BICDL1: variants seen among roughly 807,000 people sequenced by gnomAD.
The protein encoded by BICDL1 is BICD family-like cargo adapter 1.
BICDL1 carries 20 observed loss-of-function variants against 76.8 expected under a neutral mutation model. The observed-to-expected ratio is 0.26, with a 90% CI of 0.18 to 0.38. The LOEUF is 0.38. BICDL1 is among the 10% of genes least tolerant of loss of function. The pLI is 1.00. For synonymous variants in BICDL1, 383 were observed against 337.1 expected (o/e 1.14, Z -1.49); for missense variants, 700 against 798.6 (o/e 0.88, Z 1.49).
At chr12:119,996,103 C>T (rs1256783774) in intron 1 of BICDL1, among the ~76,000 whole-genome samples, 1 of 152,140 alleles carries the variant, frequency 6.6e-6, no homozygotes, top group Non-Finnish European at 1.5e-5. Flanking sequence ...CCACATTGCC[C>T]CAAACAGACT....
At chr12:120,063,412 C>T (rs776040202) in intron 3 of BICDL1, among the ~76,000 whole-genome samples, 3 of 152,110 alleles carry the variant, frequency 2.0e-5, no homozygotes, top group African/African-American at 7.2e-5. Context: ...TTTGTTTCCC[C>T]AGGACAACAT....
intron 8 of BICDL1, among the ~76,000 whole-genome samples, chr12:120,081,413 G>A (rs1482922214): frequency 6.9e-6 from 1 of 145,360 alleles, no homozygotes; most frequent in African/African-American, 2.6e-5. Flanking sequence ...GTGCGATGGC[G>A]CGATCTCAGC....
chr12:119,998,276 A>T (rs1809745210), intron 1 of BICDL1, among the ~76,000 whole-genome samples: 2 of 152,218 alleles, frequency 1.3e-5, no homozygotes, highest in Admixed American at 1.3e-4. Flanking sequence ...CCTAAGGATA[A>T]GAATAAACAT....
At chr12:120,087,016 C>T (rs1874473313) in intron 8 of BICDL1, among the ~76,000 whole-genome samples, 1 of 152,214 alleles carries the variant, frequency 6.6e-6, no homozygotes, top group Non-Finnish European at 1.5e-5. Context: ...TGTCCCTCGC[C>T]GGCAACGTTA....
chr12:120,082,783 G>A (rs1874094106), intron 8 of BICDL1, among the ~76,000 whole-genome samples: 1 of 151,852 alleles, frequency 6.6e-6, no homozygotes, highest in Admixed American at 6.6e-5. Context: ...TACCCAGGCT[G>A]GTCTTGAACT....
intron 2 of BICDL1, among the ~76,000 whole-genome samples, chr12:120,052,200 C>T (rs190171090): frequency 5.3e-5 from 8 of 152,102 alleles, no homozygotes; most frequent in Admixed American, 3.3e-4. Context: ...CCTTGGCCTC[C>T]CAAAGTGCTG....
chr12:120,080,457 A>T (rs1340701461), intron 7 of BICDL1, among the ~76,000 whole-genome samples: 1 of 152,202 alleles, frequency 6.6e-6, no homozygotes, highest in Non-Finnish European at 1.5e-5. Flanking sequence ...GGAATCATCC[A>T]GGGCTCTGTT....
At chr12:120,066,730 C>T (rs1273156906) in intron 4 of BICDL1, among the ~76,000 whole-genome samples, 2 of 152,192 alleles carry the variant, frequency 1.3e-5, no homozygotes, top group Non-Finnish European at 2.9e-5. Flanking sequence ...TCCTTCAGTT[C>T]ATGTGAAACT....
intron 1 of BICDL1, 49 bp downstream of exon 1, chr12:119,990,346 A>C: frequency 6.5e-7 from 1 of 1,539,968 alleles, no homozygotes; most frequent in Admixed American, 2.1e-5. Context: ...CCGCCCAGGC[A>C]CGCGCCCGGC....
intron 2 of BICDL1, among the ~76,000 whole-genome samples, chr12:120,036,748 C>T (rs1285828432): frequency 4.6e-5 from 7 of 152,108 alleles, no homozygotes; most frequent in African/African-American, 1.2e-4. Flanking sequence ...TGGTGGCATG[C>T]GCCTGTAGTC....
chr12:120,029,844 G>A (rs180828159), intron 2 of BICDL1, among the ~76,000 whole-genome samples: 5 of 152,132 alleles, frequency 3.3e-5, no homozygotes, highest in African/African-American at 4.8e-5. Context: ...ATGGGGTTTC[G>A]CCACATTGGC....
At chr12:119,993,827 G>A in intron 1 of BICDL1, among the ~76,000 whole-genome samples, 1 of 152,084 alleles carries the variant, frequency 6.6e-6, no homozygotes, top group East Asian at 1.9e-4. Context: ...TGGTGGCCAG[G>A]CTGGTCTTGA....
At chr12:120,049,678 C>G in intron 2 of BICDL1, among the ~76,000 whole-genome samples, 1 of 152,206 alleles carries the variant, frequency 6.6e-6, no homozygotes, top group East Asian at 1.9e-4. Flanking sequence ...AGTATTGCCT[C>G]GGTCCCATTC....
chr12:120,062,739 T>C (rs1186406118), intron 3 of BICDL1, among the ~76,000 whole-genome samples: 1 of 152,158 alleles, frequency 6.6e-6, no homozygotes, highest in African/African-American at 2.4e-5. Context: ...GAATGCCTAC[T>C]GGTATTGAGC....
At chr12:120,072,382 G>T in intron 5 of BICDL1, 129 bp from the exon 6 acceptor site, 1 of 800,684 alleles carries the variant, frequency 1.2e-6, no homozygotes, top group Non-Finnish European at 2.0e-6. Flanking sequence ...AAAAAACACA[G>T]AACAAAAAAC....
chr12:120,078,626 T>C (rs1019156436), intron 7 of BICDL1, among the ~76,000 whole-genome samples: 6 of 152,226 alleles, frequency 3.9e-5, no homozygotes, highest in Admixed American at 2.6e-4. Flanking sequence ...GAAATAGTTA[T>C]TTTTATTTCC....
rs1237122688 is a variant in BICDL1 at position 120,071,389 on chromosome 12, G to A, written c.910-233G>A. On this transcript the variant is annotated intron_variant, in intron 4 of 9. Coordinates refer to ENST00000548673, the MANE Select transcript of BICDL1 (RefSeq NM_001367886.1). The surrounding 1 kb of genome is among the most constrained non-coding windows in gnomAD (Gnocchi z 4.8). ...ACTCCTGACCTTAGGTGATCTGCCCGCCTCGGCCTCCCAAAGTGCTGGGAT... is the reference window on the plus strand; with the variant it reads ...ACTCCTGACCTTAGGTGATCTGCCCACCTCGGCCTCCCAAAGTGCTGGGAT... Among the ~76,000 whole-genome samples the A allele has an allele frequency of 3.3e-5, 5 of 151,968 alleles. No individual in the cohort carries two copies. The highest frequency in any genetic ancestry group is 3.2e-3 in the Middle Eastern group (1 of 316).
chr12:120,071,838 C>T lies in BICDL1; in HGVS notation c.1089+37C>T, dbSNP rs1237979799. The T allele has an allele frequency of 6.5e-6, 10 of 1,537,486 alleles. No homozygotes were observed. Among genetic ancestry groups the T allele is most frequent in the Admixed American group, 2.0e-5 (1 of 49,210 alleles). ...CCTGTCACCCCACAGGCGAGGCTAC[C>T]TGGGGTTGCTTAGGTCTCATCCTCC... is the stretch of plus-strand genomic sequence containing the variant. On this transcript the variant is annotated intron_variant, in intron 5 of 9. Transcript: ENST00000548673. The surrounding 1 kb of genome is among the most constrained non-coding windows in gnomAD (Gnocchi z 4.8).
At chr12:120,054,993 A>T (rs1952945657) in intron 2 of BICDL1, among the ~76,000 whole-genome samples, 1 of 152,232 alleles carries the variant, frequency 6.6e-6, no homozygotes, top group Non-Finnish European at 1.5e-5. Context: ...TGGGGAAAAA[A>T]TAAAATGCTA....
Sources: allele counts gnomAD v4.1 joint callset (sites outside exome capture counted in the v4.1 genomes callset), GRCh38; gene constraint gnomAD v4.1.1; non-coding constraint Gnocchi (gnomAD v3.1); transcripts MANE v1.5; gene names NCBI Gene and HGNC (gene_info 2026-07-23, HGNC 2026-07-21).